Variants in CNPY4 observed in about 807,000 individuals in gnomAD.
The protein encoded by CNPY4 is canopy FGF signaling regulator 4.
In CNPY4, 33 loss-of-function variants were observed where a neutral mutation model predicts 30.1. The observed-to-expected ratio is 1.10, with a 90% CI of 0.83 to 1.46. The LOEUF is 1.46. Among genes scored for constraint, CNPY4 ranks in the 40% most tolerant of loss-of-function variants. CNPY4 has a pLI of 0.00. For synonymous variants in CNPY4, 109 were observed against 110.1 expected, an observed-to-expected ratio of 0.99 and a Z score of 0.06; for missense variants, 324 against 302.6, an observed-to-expected ratio of 1.07 and a Z score of -0.52.
In CNPY4 at chr7:100,124,889, C is replaced by A; in HGVS notation, c.*1C>A. On this transcript the variant is annotated 3_prime_UTR_variant, in exon 6 of 6. Transcript: ENST00000262932. ...CAAACTTGACCGAGAAGATCTTTGA[C>A]CCTTGCCTTTGAGCCCCCAGGAGGG... 1 of 1,583,648 alleles carries A rather than the reference C, an allele frequency of 6.3e-7. No individual in the cohort carries two copies. Among genetic ancestry groups the A allele is most frequent in the South Asian group, 1.2e-5 (1 of 85,598 alleles).
At chr7:100,123,028 A>C in intron 4 of CNPY4, 122 bp downstream of exon 4, 1 of 1,119,714 alleles carries the variant, frequency 8.9e-7, no homozygotes, top group Non-Finnish European at 1.2e-6. Flanking sequence ...CAGAGTGAGG[A>C]CTGTGCCATT....
Position 100,119,646 on chromosome 7 carries a change from G to A in CNPY4, c.-99G>A, listed in dbSNP as rs771272113. On this transcript the variant is annotated 5_prime_UTR_variant, in exon 1 of 6. Coordinates refer to ENST00000262932, the MANE Select transcript of CNPY4 (RefSeq NM_152755.2). ...CGCATGCGCCGACCTTCCTCGGCTGGATTTAAGGTTGCCGCTAGCCGCCTG... is the reference window on the plus strand; with the variant it reads ...CGCATGCGCCGACCTTCCTCGGCTGAATTTAAGGTTGCCGCTAGCCGCCTG... The A allele has an allele frequency of 1.9e-6, 3 of 1,609,568 alleles. No individual in the cohort carries two copies. Among genetic ancestry groups the A allele is most frequent in the South Asian group, 2.2e-5 (2 of 90,700 alleles).
intron 4 of CNPY4, among the ~76,000 whole-genome samples, chr7:100,123,312 A>G (rs113371542): frequency 3.9e-5 from 6 of 152,030 alleles, no homozygotes; most frequent in African/African-American, 1.4e-4. Flanking sequence ...ATTGCACTCC[A>G]GCCAGGGCGA....
intron 4 of CNPY4, among the ~76,000 whole-genome samples, chr7:100,123,308 C>G (rs1336845530): frequency 1.3e-5 from 2 of 151,436 alleles, no homozygotes; most frequent in East Asian, 3.9e-4. Flanking sequence ...CACCATTGCA[C>G]TCCAGCCAGG....
intron 4 of CNPY4, among the ~76,000 whole-genome samples, chr7:100,123,456 A>G (rs769763517): frequency 6.6e-6 from 1 of 152,100 alleles, no homozygotes; most frequent in Non-Finnish European, 1.5e-5. Flanking sequence ...ACTGTTTGAG[A>G]CCAGAGTTAG....
At chr7:100,121,860 C>A (rs1007281856) in intron 1 of CNPY4, among the ~76,000 whole-genome samples, 1 of 150,350 alleles carries the variant, frequency 6.7e-6, no homozygotes, top group Non-Finnish European at 1.5e-5. Flanking sequence ...ACCATCCTGG[C>A]TAACACGGTG....
intron 4 of CNPY4, among the ~76,000 whole-genome samples, chr7:100,123,411 G>A (rs1174262943): frequency 6.6e-6 from 1 of 151,970 alleles, no homozygotes. Context: ...GCTCACAACT[G>A]TAATGCTAGC....
rs972157671 is a variant in CNPY4 at position 100,122,258 on chromosome 7, G to T, written c.119-1G>T. On this transcript the variant is annotated splice_acceptor_variant, in intron 1 of 5. Transcript: ENST00000262932. LOFTEE classifies it high-confidence loss of function. ...CCCCGGACGTTTCTCCTCCCCACCA[G>T]TGTGTAAGCTGCTGAGCACAGAGCT... 6.3e-7 allele frequency: 1 copy of T among 1,593,638 alleles called. No homozygotes were observed. The highest frequency in any genetic ancestry group is 1.3e-5 in the African/African-American group (1 of 74,128).
chr7:100,119,842 G>T lies in CNPY4; in HGVS notation c.98G>T (p.Arg33Leu). ...AAGGAGGAGGACGATGACACAGAAC[G>T]CTTGCCCAGCAAATGCGAAGGTATT... Reference protein sequence around the residue: ...MLKEEDDDTERLPSKCEVCKL... With the variant: ...MLKEEDDDTELLPSKCEVCKL... Residue 33 changes from arginine to leucine, a missense_variant, in exon 1 of 6, where the codon CGC (arginine) becomes CTC (leucine). By Grantham distance (102) the Arg-to-Leu change is moderately radical (BLOSUM62 -2). Transcript: ENST00000262932. 1 of 1,612,406 alleles carries T rather than the reference G, an allele frequency of 6.2e-7. No homozygotes were observed. Among genetic ancestry groups the T allele is most frequent in the Middle Eastern group, 1.7e-4 (1 of 6,044 alleles).
rs1798111511 is a variant in CNPY4, at chr7:100,122,850, A to C, written c.409A>C (p.Ile137Leu). 1.2e-6 allele frequency: 2 copies of C among 1,613,862 alleles called. No individual in the cohort carries two copies. The highest frequency in any genetic ancestry group is 1.7e-6 in the Non-Finnish European group (2 of 1,179,988). Residue 137 changes from isoleucine to leucine, a missense_variant, in exon 4 of 6, where the codon ATC (isoleucine) becomes CTC (leucine). By Grantham distance (5) the Ile-to-Leu change is conservative (BLOSUM62 2). Transcript: ENST00000262932. ...VQKGVKVDLGIPLELWDEPSV... is the reference protein window; with the variant it reads ...VQKGVKVDLGLPLELWDEPSV... ...GAAGGGGGTGAAGGTGGATCTGGGG[A>C]TCCCTCTGGAGCTTTGGGATGAGCC...
In CNPY4 at chr7:100,122,480, G is replaced by T; in HGVS notation, c.246-1G>T. 6.2e-7 allele frequency: 1 copy of T among 1,614,042 alleles called. No homozygotes were observed. The highest frequency in any genetic ancestry group is 8.5e-7 in the Non-Finnish European group (1 of 1,179,994). ...AATCTTTGTTTCCTCTCTTTCCACA[G>T]AGAGACAAGGCTGGAAGAGGCCTTA... On this transcript the variant is annotated splice_acceptor_variant, in intron 2 of 5. Transcript: ENST00000262932. LOFTEE classifies it high-confidence loss of function.
rs756085183 is a variant in CNPY4, at chr7:100,124,865, A to C, written c.724A>C (p.Lys242Gln). The part of the protein sequence containing the change: ...DKMTKTGSHP[K>Q]LDREDL ...GATGACCAAGACAGGAAGCCACCCC[A>C]AACTTGACCGAGAAGATCTTTGACC... Residue 242 changes from lysine (K) to glutamine (Q), a missense_variant, in exon 6 of 6, where the codon AAA (lysine) becomes CAA (glutamine). Coordinates refer to ENST00000262932, the MANE Select transcript of CNPY4 (RefSeq NM_152755.2). The C allele has an allele frequency of 1.0e-5, 16 of 1,602,120 alleles. No individual in the cohort carries two copies. Among genetic ancestry groups the C allele is most frequent in the Non-Finnish European group, 1.4e-5 (16 of 1,174,062 alleles).
At position 100,119,753 on chromosome 7, in the gene CNPY4, T is replaced by C. The variant is rs776434907; in HGVS notation, c.9T>C (p.Pro3=). 6.2e-7 allele frequency: 1 copy of C among 1,614,192 alleles called. No homozygotes were observed. The highest frequency in any genetic ancestry group is 8.5e-7 in the Non-Finnish European group (1 of 1,180,018). Residue 3 remains proline, a synonymous_variant, in exon 1 of 6, where the codon CCT becomes CCC. Transcript: ENST00000262932. MG[P]VRLGILLFLF... The stretch of plus-strand genomic sequence containing the variant: ...GTAGACGGCGCTTTGTCATGGGACC[T>C]GTGCGGTTGGGAATATTGCTTTTCC...
At chr7:100,123,714 G>T (rs1189500038) in intron 4 of CNPY4, among the ~76,000 whole-genome samples, 1 of 152,112 alleles carries the variant, frequency 6.6e-6, no homozygotes, top group African/African-American at 2.4e-5. Context: ...TAGAGACGGG[G>T]TTTCATCATG....
chr7:100,122,937 G>A (rs1054113998), intron 4 of CNPY4, 31 bp downstream of exon 4: 2 of 1,587,756 alleles, frequency 1.3e-6, no homozygotes, highest in Non-Finnish European at 1.7e-6. Context: ...ATCCAGGGAG[G>A]TGAGAAGGGA....
intron 1 of CNPY4, chr7:100,122,052 A>G: frequency 5.3e-5 from 24 of 452,852 alleles, no homozygotes; most frequent in South Asian, 7.1e-5. Context: ...TCCGTCTGAA[A>G]AAAAAAAAAA....
chr7:100,124,758 T>C lies in CNPY4; in HGVS notation c.617T>C (p.Ile206Thr). Residue 206 changes from isoleucine (I) to threonine (T), a missense_variant, in exon 6 of 6, where the codon ATC becomes ACC. Physicochemically the swap from Ile to Thr is moderately conservative, Grantham distance 89. Coordinates refer to ENST00000262932, the MANE Select transcript of CNPY4 (RefSeq NM_152755.2). ...CAGGAAACTTGGACTGGAAAGGAGA[T>C]CACAGATGGGGAAGAGAAAACAGAA... Reference protein sequence around the residue: ...CLQETWTGKEITDGEEKTEGE... With the variant: ...CLQETWTGKETTDGEEKTEGE... 6.2e-7 allele frequency: 1 copy of C among 1,613,290 alleles called. No individual in the cohort carries two copies. Among genetic ancestry groups the C allele is most frequent in the Non-Finnish European group, 8.5e-7 (1 of 1,179,878 alleles).
At chr7:100,123,473 G>C (rs1382895948) in intron 4 of CNPY4, among the ~76,000 whole-genome samples, 1 of 152,130 alleles carries the variant, frequency 6.6e-6, no homozygotes, top group Admixed American at 6.6e-5. Flanking sequence ...TTAGAGACCA[G>C]CTTGTGCAAC....
In CNPY4 at chr7:100,122,378, A is replaced by T; in HGVS notation, c.238A>T (p.Ser80Cys). Reference protein sequence around the residue: ...TGKRKRHVPYSVSETRLEEAL... With the variant: ...TGKRKRHVPYCVSETRLEEAL... ...CAAGAGGAAGAGACACGTGCCTTAC[A>T]GCGTTTCGTGAGTCCTTCGTGCTCC... The change falls in exon 2 of 6, where the codon AGC becomes TGC. Residue 80 changes from serine to cysteine, a missense_variant. Transcript: ENST00000262932. The T allele has an allele frequency of 6.2e-7, 1 of 1,614,080 alleles. No individual in the cohort carries two copies. The highest frequency in any genetic ancestry group is 8.5e-7 in the Non-Finnish European group (1 of 1,180,006).
Sources: allele counts gnomAD v4.1 joint callset (sites outside exome capture counted in the v4.1 genomes callset), GRCh38; gene constraint gnomAD v4.1.1; transcripts MANE v1.5; gene names NCBI Gene and HGNC (gene_info 2026-07-23, HGNC 2026-07-21).